The following CREB5 variants were observed in gnomAD, a reference collection of about 807,000 sequenced individuals.
CREB5 encodes the protein cyclic AMP-responsive element-binding protein 5.
Under a neutral mutation model 57.1 loss-of-function variants are expected in CREB5, and 19 were observed. The observed-to-expected ratio is 0.33, with a 90% CI of 0.23 to 0.49. The LOEUF is 0.49. Among genes scored for constraint, CREB5 ranks in the 20% least tolerant of loss-of-function variants. CREB5 has a pLI of 0.99. For synonymous variants in CREB5, 238 were observed against 238.3 expected (o/e 1.00, Z 0.01); for missense variants, 579 against 671.6 (o/e 0.86, Z 1.52).
At chr7:28,685,995 C>A in intron 5 of CREB5, 3 of 705,520 alleles carry the variant, frequency 4.3e-6, no homozygotes, top group Non-Finnish European at 4.7e-6. Flanking sequence ...AGCAAGTGAG[C>A]GAGAGCCCAG....
chr7:28,542,905 G>A (rs1397365382), intron 4 of CREB5, among the ~76,000 whole-genome samples: 2 of 152,056 alleles, frequency 1.3e-5, no homozygotes, highest in African/African-American at 2.4e-5. Flanking sequence ...GGCTGTTCCC[G>A]TTCCACAGTG....
chr7:28,796,443 C>T (rs1808046383), intron 7 of CREB5, among the ~76,000 whole-genome samples: 1 of 152,144 alleles, frequency 6.6e-6, no homozygotes, highest in South Asian at 2.1e-4. Flanking sequence ...CACCCCTACC[C>T]ACCCACTCCT....
At chr7:28,596,058 T>C (rs1796682279) in intron 5 of CREB5, among the ~76,000 whole-genome samples, 1 of 152,226 alleles carries the variant, frequency 6.6e-6, no homozygotes. Flanking sequence ...GAAACCTAAA[T>C]GTTGGGATTT....
intron 7 of CREB5, among the ~76,000 whole-genome samples, chr7:28,791,407 A>G (rs1310813031): frequency 1.3e-5 from 2 of 152,024 alleles, no homozygotes; most frequent in African/African-American, 4.8e-5. Context: ...CTTGCTCTTT[A>G]TCATCTACCA....
chr7:28,560,959 TGC>T lies in CREB5; in HGVS notation c.292-9404_292-9403del, dbSNP rs371106270. ...GTGCGTGCGTGTGTGTGCGTGTGTG[TGC>T]GTGTGTGTGTGCGTGTGTGCGTGCG... On this transcript the variant is annotated intron_variant, in intron 4 of 10. Transcript: ENST00000357727. Among the ~76,000 whole-genome samples, 23 of 32,154 alleles carry T rather than the reference TGC, an allele frequency of 7.2e-4. 3 individuals carry two copies. The highest frequency in any genetic ancestry group is 3.3e-3 in the African/African-American group (22 of 6,618). 21.1% of individuals were successfully genotyped at this position (32,154 alleles called of 152,430 possible).
At chr7:28,412,292 C>G (rs778452804), upstream of CREB5, among the ~76,000 whole-genome samples, 3 of 152,210 alleles carry the variant, frequency 2.0e-5, no homozygotes, top group Non-Finnish European at 4.4e-5. Context: ...TTTCCCATAT[C>G]CACTAGATGT....
At chr7:28,798,124 T>G (rs1256146563) in intron 7 of CREB5, among the ~76,000 whole-genome samples, 8 of 152,160 alleles carry the variant, frequency 5.3e-5, no homozygotes, top group Admixed American at 4.6e-4. Flanking sequence ...ACTTTCACAT[T>G]TTTTTTCTGG....
rs139845599 is a variant in CREB5, at chr7:28,443,611, A to G, written c.3+30694A>G. On this transcript the variant is annotated intron_variant, in intron 1 of 10. Transcript: ENST00000357727. The stretch of plus-strand genomic sequence containing the variant: ...AGGTGGAATCATTCATTCATTCCAG[A>G]AATATGTATTGAATACCTGTATGTG... Among the ~76,000 whole-genome samples, 501 of 152,298 alleles carry G rather than the reference A, an allele frequency of 3.3e-3. 4 individuals carry two copies. The highest frequency in any genetic ancestry group is 0.014 in the Middle Eastern group (4 of 294).
intron 1 of CREB5, among the ~76,000 whole-genome samples, chr7:28,299,674 T>G (rs1785066801): frequency 6.6e-6 from 1 of 152,214 alleles, no homozygotes. Context: ...TACTGGATGT[T>G]TTTTGCTCAT....
intron 1 of CREB5, among the ~76,000 whole-genome samples, chr7:28,306,028 G>A (rs1468039439): frequency 2.6e-5 from 4 of 151,956 alleles, no homozygotes; most frequent in Admixed American, 6.6e-5. Context: ...AGCAATGTAG[G>A]TTATTTTCAG....
intron 4 of CREB5, among the ~76,000 whole-genome samples, chr7:28,540,488 A>G (rs1219897409): frequency 2.0e-5 from 3 of 152,124 alleles, no homozygotes; most frequent in Admixed American, 2.0e-4. Flanking sequence ...GAGGCTGCAC[A>G]AGGGATACGG....
chr7:28,314,840 G>A (rs902228970), intron 1 of CREB5, among the ~76,000 whole-genome samples: 1 of 152,156 alleles, frequency 6.6e-6, no homozygotes. Flanking sequence ...AGTGCTGTAC[G>A]GTCAGTAAAT....
intron 2 of CREB5, among the ~76,000 whole-genome samples, chr7:28,489,296 C>CTTTTTTTTTTTTTTTTTTTTTT (rs70977046): frequency 1.0e-5 from 1 of 96,648 alleles, no homozygotes; most frequent in Non-Finnish European, 1.9e-5. Context: ...GAGGACCCTT[C>CTTTTTTTTTTTTTTTTTTTTTT]TTTTTTTTTT....
chr7:28,714,039 T>G (rs1313370063), intron 5 of CREB5, among the ~76,000 whole-genome samples: 2 of 152,112 alleles, frequency 1.3e-5, no homozygotes, highest in Non-Finnish European at 2.9e-5. Context: ...AGTGCAATGG[T>G]GTGATCTCGG....
rs370456864 is a variant in CREB5, at chr7:28,538,025, T to TTTG, written c.291+30303_291+30305dup. On this transcript the variant is annotated intron_variant, in intron 4 of 10. Transcript: ENST00000357727. ...CCTCCATGGTTTCTTAACTATGGTTTTTGTTGTTGTTGTTGTTATCGTTTT... is the reference window on the plus strand; with the variant it reads ...CCTCCATGGTTTCTTAACTATGGTTTTTGTTGTTGTTGTTGTTGTTATCGTTTT... Among the ~76,000 whole-genome samples, 814 of 150,830 alleles carry TTTG rather than the reference T, an allele frequency of 5.4e-3. 4 individuals carry two copies. Among genetic ancestry groups the TTTG allele is most frequent in the South Asian group, 0.012 (57 of 4,668 alleles).
At chr7:28,430,190 TGATC>T (rs1473003293) in intron 1 of CREB5, among the ~76,000 whole-genome samples, 1 of 152,248 alleles carries the variant, frequency 6.6e-6, no homozygotes, top group Non-Finnish European at 1.5e-5. Context: ...CAGACATTAT[TGATC>T]GATCGATGTG....
rs1795200594 is a variant in CREB5 at position 28,560,939 on chromosome 7, T to TGTGC, written c.292-9425_292-9424insTGCG. On this transcript the variant is annotated intron_variant, in intron 4 of 10. Coordinates refer to ENST00000357727, the MANE Select transcript of CREB5 (RefSeq NM_182898.4). ...GCGTGTGTGCGCGTGCGTGTGTGCG[T>TGTGC]GCGTGTGTGTGCGTGTGTGTGCGTG... Among the ~76,000 whole-genome samples the TGTGC allele has an allele frequency of 1.6e-4, 5 of 31,926 alleles. 1 individual carries two copies. The highest frequency in any genetic ancestry group is 4.2e-3 in the South Asian group (2 of 474). The allele number at this position is 31,926 out of a possible 152,430, so 20.9% of individuals were successfully genotyped here.
Position 28,712,524 on chromosome 7 carries a change from T to TTTATTATTATTA in CREB5, c.465-6217_465-6206dup, listed in dbSNP as rs752228734. 4.1e-4 allele frequency among the ~76,000 whole-genome samples: 55 copies of TTTATTATTATTA among 135,354 alleles called. 1 individual carries two copies. The highest frequency in any genetic ancestry group is 9.4e-4 in the African/African-American group (33 of 34,988). The allele number at this position is 135,354 out of a possible 152,430, so 88.8% of individuals were successfully genotyped here. On this transcript the variant is annotated intron_variant, in intron 5 of 10. Coordinates refer to ENST00000357727, the MANE Select transcript of CREB5 (RefSeq NM_182898.4). ...ACTCCTCAAAAAAAAAAAAAGAGAA[T>TTTATTATTATTA]TTATTATTATTATTATTATTATTTT...
upstream of CREB5, among the ~76,000 whole-genome samples, chr7:28,408,134 A>G (rs1230435930): frequency 2.0e-5 from 3 of 152,168 alleles, no homozygotes; most frequent in Non-Finnish European, 2.9e-5. Context: ...AGTTGGGCCC[A>G]GTGCCACCCC....
Sources: allele counts gnomAD v4.1 joint callset (sites outside exome capture counted in the v4.1 genomes callset), GRCh38; gene constraint gnomAD v4.1.1; transcripts MANE v1.5; gene names NCBI Gene and HGNC (gene_info 2026-07-23, HGNC 2026-07-21).